Variants in FLACC1 observed in about 807,000 individuals in gnomAD.
FLACC1 encodes the protein flagellum associated containing coiled-coil domains 1.
Under a neutral mutation model 62.8 loss-of-function variants are expected in FLACC1, and 66 were observed. The ratio of observed to expected loss-of-function variants is 1.05; its 90% CI spans 0.86 to 1.29. The LOEUF is 1.29. Ranked by LOEUF, FLACC1 falls within the 50% of genes most tolerant of loss-of-function variation. The pLI is 0.00. For synonymous variants in FLACC1, 156 were observed against 161.0 expected, an observed-to-expected ratio of 0.97 and a Z score of 0.24; for missense variants, 452 against 489.1, an observed-to-expected ratio of 0.92 and a Z score of 0.71.
At chr2:201,296,663 A>T (rs185365209) in intron 12 of FLACC1, among the ~76,000 whole-genome samples, 48 of 152,100 alleles carry the variant, frequency 3.2e-4, no homozygotes, top group East Asian at 2.3e-3. Flanking sequence ...ACAGTATAAT[A>T]AAAAAAATGC....
At chr2:201,319,152 C>T (rs2125578141) in intron 9 of FLACC1, among the ~76,000 whole-genome samples, 1 of 152,080 alleles carries the variant, frequency 6.6e-6, no homozygotes, top group East Asian at 1.9e-4. Flanking sequence ...GGTACTGATA[C>T]AAAAACAGAC....
At chr2:201,304,209 A>G (rs1313844021) in intron 11 of FLACC1, among the ~76,000 whole-genome samples, 4 of 152,242 alleles carry the variant, frequency 2.6e-5, no homozygotes, top group Non-Finnish European at 5.9e-5. Context: ...AATCTCCTTA[A>G]GCTGATAAGC....
At chr2:201,289,350 G>T in intron 14 of FLACC1, 107 bp downstream of exon 14, 1 of 1,034,652 alleles carries the variant, frequency 9.7e-7, no homozygotes, top group South Asian at 1.4e-5. Flanking sequence ...CCTGTGCCTT[G>T]ACATAACTAG....
At chr2:201,355,552 T>C (rs1367499530) in intron 1 of FLACC1, among the ~76,000 whole-genome samples, 4 of 150,804 alleles carry the variant, frequency 2.7e-5, no homozygotes, top group African/African-American at 9.8e-5. Context: ...ATTCTTTTGC[T>C]CTTAAGAAAA....
rs185785502 is a variant in FLACC1, at chr2:201,331,829, G to C, written c.525-996C>G. ...AAACTCATTGAATGTACAGTACCAAGAGTGAACTCTAATGTCAACTATGAA... is the reference window on the plus strand; with the variant it reads ...AAACTCATTGAATGTACAGTACCAACAGTGAACTCTAATGTCAACTATGAA... On this transcript the variant is annotated intron_variant, in intron 7 of 14. Coordinates refer to ENST00000392257, the MANE Select transcript of FLACC1 (RefSeq NM_001127391.3). 3.3e-5 allele frequency among the ~76,000 whole-genome samples: 5 copies of C among 152,306 alleles called. No homozygotes were observed. In the East Asian group the frequency reaches 9.7e-4, roughly 29 times the overall value.
intron 11 of FLACC1, among the ~76,000 whole-genome samples, chr2:201,306,100 A>C (rs79028879): frequency 2.5e-5 from 1 of 40,260 alleles, no homozygotes; most frequent in Non-Finnish European, 7.2e-5. Context: ...AAAAAAGAAT[A>C]AAAAAAAAAA....
At chr2:201,301,646 G>A (rs2125549842) in intron 11 of FLACC1, among the ~76,000 whole-genome samples, 1 of 152,322 alleles carries the variant, frequency 6.6e-6, no homozygotes, top group South Asian at 2.1e-4. Context: ...CACCAAAGTT[G>A]AAATGAAGGA....
chr2:201,344,322 C>A (rs551976097), intron 5 of FLACC1, 59 bp from the exon 6 acceptor site: 27 of 1,426,088 alleles, frequency 1.9e-5, no homozygotes, highest in Non-Finnish European at 2.6e-5. Context: ...GCCATTCAGG[C>A]CCCTGAGCAT....
upstream of FLACC1, among the ~76,000 whole-genome samples, chr2:201,359,565 C>A (rs1390522829): frequency 6.6e-6 from 1 of 152,204 alleles, no homozygotes; most frequent in Non-Finnish European, 1.5e-5. Context: ...AGACCTGTTG[C>A]TTGATTGCAA....
intron 1 of FLACC1, among the ~76,000 whole-genome samples, chr2:201,355,893 G>C (rs1047108882): frequency 6.6e-6 from 1 of 151,900 alleles, no homozygotes; most frequent in Non-Finnish European, 1.5e-5. Flanking sequence ...TAAAAATAAA[G>C]GCCTTTTTCT....
intron 12 of FLACC1, among the ~76,000 whole-genome samples, chr2:201,295,152 G>GA (rs1398663081): frequency 6.6e-6 from 1 of 152,074 alleles, no homozygotes; most frequent in East Asian, 1.9e-4. Context: ...CACAGAATTG[G>GA]AAAAAACTAC....
upstream of FLACC1, among the ~76,000 whole-genome samples, chr2:201,358,994 T>C (rs967385322): frequency 2.7e-4 from 41 of 152,228 alleles, no homozygotes; most frequent in Admixed American, 1.4e-3. Flanking sequence ...AAGATCATTC[T>C]GACTGCAATA....
rs191494700 is a variant in FLACC1 at position 201,351,514 on chromosome 2, A to G, written c.-47-63T>C. 8.9e-5 allele frequency: 70 copies of G among 789,400 alleles called. No homozygotes were observed. The African/African-American group carries it at 1.1e-3, about 12-fold the overall frequency. 48.9% of individuals were successfully genotyped at this position (789,400 alleles called of 1,614,324 possible). A position where few individuals can be genotyped will look rare whatever the true frequency, so the allele number is the denominator to read the frequency against. On this transcript the variant is annotated intron_variant, in intron 1 of 14. Coordinates refer to ENST00000392257, the MANE Select transcript of FLACC1 (RefSeq NM_001127391.3). ...TAGAATCAAAGCAAAAATACAGAAG[A>G]ATTGGGAAGAACCCAGGGAGGACCC...
intron 12 of FLACC1, among the ~76,000 whole-genome samples, chr2:201,291,538 T>C (rs1175890302): frequency 6.6e-6 from 1 of 152,124 alleles, no homozygotes; most frequent in African/African-American, 2.4e-5. Context: ...GTCACTGTCA[T>C]CAAAGACCAA....
In FLACC1 at chr2:201,352,254, G is replaced by C. The variant is rs1051542559; in HGVS notation, c.-47-803C>G. Among the ~76,000 whole-genome samples the C allele has an allele frequency of 2.1e-4, 32 of 152,272 alleles. 3 individuals are homozygous for C. Among genetic ancestry groups the C allele is most frequent in the Admixed American group, 2.0e-3 (31 of 15,300 alleles). On this transcript the variant is annotated intron_variant, in intron 1 of 14. Transcript: ENST00000392257. ...TCCTGGAAAATTAGTTCTGCTGCTT[G>C]AGCTACAGTGCAAATGAATCTCCTC...
At chr2:201,299,107 C>T (rs1337192818) in intron 12 of FLACC1, 131 bp downstream of exon 12, 3 of 853,750 alleles carry the variant, frequency 3.5e-6, no homozygotes, top group Non-Finnish European at 5.4e-6. Context: ...ATCCAGTAAA[C>T]TCAGCTTTAG....
chr2:201,342,621 C>T (rs1176390524), intron 6 of FLACC1, among the ~76,000 whole-genome samples, 190 bp from the exon 7 acceptor site: 1 of 152,234 alleles, frequency 6.6e-6, no homozygotes, highest in African/African-American at 2.4e-5. Context: ...GGGAACAGAA[C>T]AATTTGTGCC....
upstream of FLACC1, among the ~76,000 whole-genome samples, chr2:201,359,691 TC>T (rs1468902805): frequency 6.6e-6 from 1 of 152,216 alleles, no homozygotes; most frequent in African/African-American, 2.4e-5. Context: ...TTTCCATCTC[TC>T]TGTTATGCCA....
chr2:201,290,990 C>A (rs916219221), intron 12 of FLACC1, among the ~76,000 whole-genome samples: 2 of 152,290 alleles, frequency 1.3e-5, no homozygotes, highest in South Asian at 4.1e-4. Context: ...GAGGGGCGCC[C>A]ACCATTGCTG....
Sources: gnomAD v4.1 joint callset for allele counts (sites outside exome capture counted in the v4.1 genomes callset) on GRCh38, gnomAD v4.1.1 for gene constraint, MANE v1.5 for transcripts, NCBI Gene and HGNC (gene_info 2026-07-23, HGNC 2026-07-21) for gene names.